The following CSMD1 variants were observed in gnomAD, a reference collection of about 807,000 sequenced individuals.
CSMD1 encodes the protein CUB and sushi domain-containing protein 1.
CSMD1 carries 213 observed loss-of-function variants against 417.5 expected under a neutral mutation model. The ratio of observed to expected loss-of-function variants is 0.51; its 90% CI spans 0.46 to 0.57. The LOEUF (loss-of-function observed/expected upper bound fraction) is 0.57. Ranked by LOEUF, CSMD1 falls within the 20% of genes least tolerant of loss-of-function variation. CSMD1 has a pLI of 0.00. For synonymous variants in CSMD1, 2,862 were observed against 1,736.8 expected (o/e 1.65, Z -16.11); for missense variants, 6,923 against 4,529.7 (o/e 1.53, Z -15.17).
chr8:4,739,236 C>A (rs1468767858), intron 1 of CSMD1, among the ~76,000 whole-genome samples: 2 of 152,128 alleles, frequency 1.3e-5, no homozygotes, highest in African/African-American at 4.8e-5. Flanking sequence ...GTTGAGCCTG[C>A]CAAGTTCAGC....
chr8:4,387,102 G>A (rs988394194), intron 3 of CSMD1, among the ~76,000 whole-genome samples: 1 of 152,118 alleles, frequency 6.6e-6, no homozygotes, highest in Non-Finnish European at 1.5e-5. Flanking sequence ...AATAGAGTTA[G>A]GATAAATGGA....
intron 3 of CSMD1, among the ~76,000 whole-genome samples, chr8:4,418,364 A>T (rs1426344682): frequency 6.6e-6 from 1 of 152,098 alleles, no homozygotes; most frequent in Non-Finnish European, 1.5e-5. Flanking sequence ...TTTCTTCATT[A>T]TACCATCATG....
At chr8:4,228,025 C>G (rs767094691) in intron 3 of CSMD1, among the ~76,000 whole-genome samples, 2 of 151,942 alleles carry the variant, frequency 1.3e-5, no homozygotes, top group African/African-American at 2.4e-5. Flanking sequence ...ACCCTCCACC[C>G]CACATTAAAT....
intron 3 of CSMD1, among the ~76,000 whole-genome samples, chr8:4,229,440 C>G (rs1420871546): frequency 6.6e-6 from 1 of 152,212 alleles, no homozygotes; most frequent in Non-Finnish European, 1.5e-5. Flanking sequence ...ATCTTTTCAA[C>G]AACCTTACAG....
chr8:3,087,465 T>G (rs1222134291), intron 48 of CSMD1, among the ~76,000 whole-genome samples, 180 bp from the exon 49 acceptor site: 1 of 152,184 alleles, frequency 6.6e-6, no homozygotes, highest in Non-Finnish European at 1.5e-5. Flanking sequence ...GAGGCAAGTC[T>G]CTTACTCTGA....
intron 10 of CSMD1, among the ~76,000 whole-genome samples, chr8:3,513,814 T>G (rs1797177355): frequency 6.6e-6 from 1 of 151,914 alleles, no homozygotes; most frequent in Non-Finnish European, 1.5e-5. Flanking sequence ...CGTAATAGAG[T>G]ACAGAATAAG....
chr8:3,546,087 T>C lies in CSMD1; in HGVS notation c.1344+28858A>G, dbSNP rs1440104748. ...ATTTAACAGCCCTTGCTAACAAATG[T>C]AAATAGCAGTAAAATCCAAGAAAAT... On this transcript the variant is annotated intron_variant, in intron 10 of 69. Coordinates refer to ENST00000635120, the MANE Select transcript of CSMD1 (RefSeq NM_033225.6). Among the ~76,000 whole-genome samples the C allele has an allele frequency of 2.0e-5, 3 of 152,222 alleles. No individual in the cohort carries two copies. In the East Asian group the frequency reaches 5.8e-4, roughly 29 times the overall value.
At chr8:4,285,268 C>A (rs939453447) in intron 3 of CSMD1, among the ~76,000 whole-genome samples, 2 of 152,174 alleles carry the variant, frequency 1.3e-5, no homozygotes, top group African/African-American at 2.4e-5. Flanking sequence ...GCCTTAAATG[C>A]CATTTCGTTC....
At chr8:3,546,570 C>G (rs966548043) in intron 10 of CSMD1, among the ~76,000 whole-genome samples, 4 of 151,756 alleles carry the variant, frequency 2.6e-5, no homozygotes, top group African/African-American at 7.3e-5. Flanking sequence ...TGTCACCATA[C>G]ATTGTTCTCC....
chr8:4,084,109 A>C (rs1317040230), intron 3 of CSMD1, among the ~76,000 whole-genome samples: 1 of 152,234 alleles, frequency 6.6e-6, no homozygotes, highest in African/African-American at 2.4e-5. Flanking sequence ...CGGAAAGGTA[A>C]AACCACAATA....
chr8:3,692,560 G>C (rs763252535), intron 7 of CSMD1, among the ~76,000 whole-genome samples: 1 of 151,684 alleles, frequency 6.6e-6, no homozygotes, highest in African/African-American at 2.4e-5. Context: ...TCAGCCTCCC[G>C]AGCATCTGGG....
chr8:3,398,565 C>T (rs1023521985), intron 16 of CSMD1, among the ~76,000 whole-genome samples: 5 of 152,174 alleles, frequency 3.3e-5, no homozygotes, highest in Admixed American at 1.3e-4. Flanking sequence ...TATCTTGAGA[C>T]ACCATAATAT....
intron 3 of CSMD1, among the ~76,000 whole-genome samples, chr8:4,072,683 G>A (rs566074424): frequency 2.0e-4 from 30 of 152,114 alleles, no homozygotes; most frequent in Non-Finnish European, 3.7e-4. Context: ...GGATCTCCTA[G>A]AATGATTTCA....
rs564917744 is a variant in CSMD1 at position 4,769,052 on chromosome 8, T to C, written c.86-131494A>G. 9.8e-5 allele frequency among the ~76,000 whole-genome samples: 15 copies of C among 152,308 alleles called. No homozygotes were observed. In the East Asian group the frequency reaches 2.9e-3, roughly 29 times the overall value. On this transcript the variant is annotated intron_variant, in intron 1 of 69. Transcript: ENST00000635120. ...CAAAGCCATCTCGGGGAATATCATTTAGAATGTGTGAGGCAAACAGTTAAC... is the reference window on the plus strand; with the variant it reads ...CAAAGCCATCTCGGGGAATATCATTCAGAATGTGTGAGGCAAACAGTTAAC...
chr8:3,759,447 T>C (rs560877787), intron 5 of CSMD1, among the ~76,000 whole-genome samples: 11 of 152,312 alleles, frequency 7.2e-5, no homozygotes, highest in Admixed American at 4.6e-4. Context: ...TGAGGTTTCC[T>C]GGAAGTCTTC....
chr8:4,756,488 G>A (rs1335553330), intron 1 of CSMD1, among the ~76,000 whole-genome samples: 1 of 152,138 alleles, frequency 6.6e-6, no homozygotes, highest in Non-Finnish European at 1.5e-5. Flanking sequence ...ATATATAAAT[G>A]TAAATAATAT....
chr8:3,732,987 C>A (rs1158332175), intron 6 of CSMD1, among the ~76,000 whole-genome samples: 3 of 152,066 alleles, frequency 2.0e-5, no homozygotes, highest in African/African-American at 7.2e-5. Flanking sequence ...ACCTACCTAC[C>A]TACCTACCTA....
Position 4,994,521 on chromosome 8 carries a change from A to T in CSMD1, c.-105T>A. ...CCCGAGGGCAAGGCGAGCCGGAGAGAGAGCCCGGTCCCAAGACCCGCCGCG... is the reference window on the plus strand; with the variant it reads ...CCCGAGGGCAAGGCGAGCCGGAGAGTGAGCCCGGTCCCAAGACCCGCCGCG... On this transcript the variant is annotated 5_prime_UTR_variant, in exon 1 of 70. Coordinates refer to ENST00000635120, the MANE Select transcript of CSMD1 (RefSeq NM_033225.6). 2.8e-6 allele frequency: 3 copies of T among 1,075,358 alleles called. No individual in the cohort carries two copies. The highest frequency in any genetic ancestry group is 4.1e-6 in the Non-Finnish European group (3 of 733,244). The allele number at this position is 1,075,358 out of a possible 1,614,324, so 66.6% of individuals were successfully genotyped here.
chr8:3,838,924 C>T (rs1398786962), intron 5 of CSMD1, among the ~76,000 whole-genome samples: 1 of 87,104 alleles, frequency 1.1e-5, no homozygotes, highest in Non-Finnish European at 2.0e-5. Flanking sequence ...TGTATAGTCT[C>T]TCTATTTATA....
Sources: allele counts gnomAD v4.1 joint callset (sites outside exome capture counted in the v4.1 genomes callset), GRCh38; gene constraint gnomAD v4.1.1; transcripts MANE v1.5; gene names NCBI Gene and HGNC (gene_info 2026-07-23, HGNC 2026-07-21).